COLQ: variants seen among roughly 807,000 people sequenced by gnomAD.
COLQ encodes acetylcholinesterase collagenic tail peptide.
In COLQ, 48 loss-of-function variants were observed where a neutral mutation model predicts 69.0. That is an observed-to-expected ratio of 0.70 (90% CI 0.55 to 0.88). The LOEUF (loss-of-function observed/expected upper bound fraction) is 0.88. COLQ is among the 40% of genes least tolerant of loss of function. The pLI is 0.00. For synonymous variants in COLQ, 217 were observed against 211.2 expected (o/e 1.03, Z -0.24); for missense variants, 618 against 594.6 (o/e 1.04, Z -0.41).
intron 12 of COLQ, among the ~76,000 whole-genome samples, chr3:15,462,939 C>T (rs978627793): frequency 4.6e-5 from 7 of 151,966 alleles, no homozygotes; most frequent in East Asian, 1.9e-4. Flanking sequence ...GAGGGCAGGG[C>T]GTGATTGGGC....
rs536037695 is a variant in COLQ, at chr3:15,498,743, C to T, written c.107-9106G>A. ...TTTGATGTTGCTTCTGCTCCAGATG[C>T]CAGGGGTCTGGAGCCAGTCCTGAGC... On this transcript the variant is annotated intron_variant, in intron 1 of 16. Coordinates refer to ENST00000383788, the MANE Select transcript of COLQ (RefSeq NM_005677.4). 2.8e-5 allele frequency: 43 copies of T among 1,533,208 alleles called. No individual in the cohort carries two copies. In the South Asian group the frequency reaches 4.2e-4, roughly 15 times the overall value. The allele number at this position is 1,533,208 out of a possible 1,614,324, so 95.0% of individuals were successfully genotyped here.
Position 15,489,393 on chromosome 3 carries a change from C to G in COLQ, c.219+132G>C, listed in dbSNP as rs918702383. ...ATTCCGGGGCTCAACTTCTGGGTGA[C>G]AGTGGAGGGTTGAGGCTCTCAGAAA... On this transcript the variant is annotated intron_variant, in intron 2 of 16. Coordinates refer to ENST00000383788, the MANE Select transcript of COLQ (RefSeq NM_005677.4). 9.9e-6 allele frequency: 8 copies of G among 805,518 alleles called. No individual in the cohort carries two copies. In the Middle Eastern group the frequency reaches 1.1e-3, roughly 115 times the overall value. 49.9% of individuals were successfully genotyped at this position (805,518 alleles called of 1,614,324 possible). A position where few individuals can be genotyped will look rare whatever the true frequency, so the allele number is the denominator to read the frequency against.
At position 15,521,495 on chromosome 3, in the gene COLQ, G is replaced by C. The variant is rs948207628; in HGVS notation, c.106+25C>G. 6 of 1,613,776 alleles carry C rather than the reference G, an allele frequency of 3.7e-6. No individual in the cohort carries two copies. The African/African-American group carries it at 6.7e-5, about 18-fold the overall frequency. ...CCCCTGTCCCCTGACAGATGGAAGA[G>C]AGGAAAGTTGTGGCCATCATTTACC... On this transcript the variant is annotated intron_variant, in intron 1 of 16. Coordinates refer to ENST00000383788, the MANE Select transcript of COLQ (RefSeq NM_005677.4).
intron 4 of COLQ, 58 bp downstream of exon 4, chr3:15,479,280 C>A: frequency 6.4e-7 from 1 of 1,561,706 alleles, no homozygotes; most frequent in South Asian, 1.1e-5. Context: ...GTGGGATGCC[C>A]AGAAAACAGG....
At position 15,475,777 on chromosome 3, in the gene COLQ, C is replaced by A. The variant is rs533934622; in HGVS notation, c.466-290G>T. Among the ~76,000 whole-genome samples the A allele has an allele frequency of 4.7e-4, 71 of 152,224 alleles. No individual in the cohort carries two copies. The highest frequency in any genetic ancestry group is 1.6e-3 in the African/African-American group (68 of 41,500). On this transcript the variant is annotated intron_variant, in intron 6 of 16. Transcript: ENST00000383788. ...ATGGTAATACTTGGTATTTTCCTAG[C>A]GAGGATAGTGAGAGAGTAGTGGAGG...
At chr3:15,510,366 G>A (rs1007927853) in intron 1 of COLQ, among the ~76,000 whole-genome samples, 1 of 151,988 alleles carries the variant, frequency 6.6e-6, no homozygotes, top group South Asian at 2.1e-4. Flanking sequence ...GTCTAAAATG[G>A]AGACTCTTAT....
chr3:15,457,117 C>A (rs367906526), intron 13 of COLQ, among the ~76,000 whole-genome samples: 2 of 152,124 alleles, frequency 1.3e-5, no homozygotes, highest in Non-Finnish European at 2.9e-5. Context: ...AGCCACCGCG[C>A]CCGGCCTCGG....
In COLQ at chr3:15,489,563, G is replaced by GT; in HGVS notation, c.180dup (p.Leu61ThrfsTer73). The GT allele has an allele frequency of 6.2e-7, 1 of 1,614,244 alleles. No homozygotes were observed. The highest frequency in any genetic ancestry group is 8.5e-7 in the Non-Finnish European group (1 of 1,180,046). ...CCTCTGAAGAATGGTGGTGGGAACA[G>GT]TGGTGGTGGAGGAGGCGTCAGCAGG... On this transcript the variant is annotated frameshift_variant, in exon 2 of 17. Coordinates refer to ENST00000383788, the MANE Select transcript of COLQ (RefSeq NM_005677.4). LOFTEE classifies it high-confidence loss of function.
At chr3:15,499,166 C>T (rs1338645799) in intron 1 of COLQ, among the ~76,000 whole-genome samples, 1 of 152,158 alleles carries the variant, frequency 6.6e-6, no homozygotes, top group Non-Finnish European at 1.5e-5. Flanking sequence ...AACGAAACCA[C>T]AAACAAACAA....
At chr3:15,471,402 A>C (rs1355232881) in intron 10 of COLQ, among the ~76,000 whole-genome samples, 4 of 152,252 alleles carry the variant, frequency 2.6e-5, no homozygotes, top group Non-Finnish European at 5.9e-5. Flanking sequence ...TCTCCATCTT[A>C]GTTTCTCTCC....
chr3:15,453,879 G>A lies in COLQ; in HGVS notation c.1248C>T (p.Asp416=), dbSNP rs55866379. The A allele has an allele frequency of 0.031, 49,248 of 1,612,056 alleles. 870 individuals carry two copies. Among genetic ancestry groups the A allele is most frequent in the Middle Eastern group, 0.051 (308 of 6,056 alleles). The stretch of plus-strand genomic sequence containing the variant: ...GGTAGCCAAAGTCAGAGCCGTCACA[G>A]TCCTCCACACCCTCATGCCGGTGAC... ...GDGHRHEGVE[D]CDGSDFGYLT... is the part of the protein sequence containing the mutation. Residue 416 remains aspartate, a synonymous_variant, in exon 16 of 17, where the codon GAC becomes GAT. Transcript: ENST00000383788.
Position 15,473,258 on chromosome 3 carries a change from C to T in COLQ, c.636+742G>A, listed in dbSNP as rs2062321028. 6.6e-6 allele frequency among the ~76,000 whole-genome samples: 1 copy of T among 152,088 alleles called. No homozygotes were observed. Among genetic ancestry groups the T allele is most frequent in the Admixed American group, 6.5e-5 (1 of 15,270 alleles). ...GCTTTGACTCCTGGGCTCAGGCCAC[C>T]CTCCCGCCTCACCTTCCTAAGTATC... On this transcript the variant is annotated intron_variant, in intron 10 of 16. Transcript: ENST00000383788. The surrounding 1 kb of genome is among the most constrained non-coding windows in gnomAD (Gnocchi z 4.0).
Position 15,479,832 on chromosome 3 carries a change from C to T in COLQ, c.322-450G>A, listed in dbSNP as rs544259277. On this transcript the variant is annotated intron_variant, in intron 3 of 16. Transcript: ENST00000383788. ...TAAGTTTTGCACATAGCAGCAGCTG[C>T]CACCTTGGAAATTCCCATGGTCAAT... Among the ~76,000 whole-genome samples the T allele has an allele frequency of 5.9e-5, 9 of 152,310 alleles. No individual in the cohort carries two copies. In the East Asian group the frequency reaches 1.2e-3, roughly 20 times the overall value.
chr3:15,501,954 G>A (rs1441207840), intron 1 of COLQ, among the ~76,000 whole-genome samples: 3 of 152,002 alleles, frequency 2.0e-5, no homozygotes, highest in African/African-American at 7.3e-5. Flanking sequence ...CAATAGTCTT[G>A]GATAAAGTCT....
In COLQ at chr3:15,488,285, T is replaced by G; in HGVS notation, c.242A>C (p.Asn81Thr). ...CGAGGTCTCCAGTTCCAGCATGAGA[T>G]TCTTCATGTCTGGGGAGAGAAGCTT... ...RSPLLSPDMK[N>T]LMLELETSQS... The change falls in exon 3 of 17, where the codon AAT becomes ACT. Residue 81 changes from asparagine (N) to threonine (T), a missense_variant. Transcript: ENST00000383788. The G allele has an allele frequency of 6.2e-7, 1 of 1,613,634 alleles. No individual in the cohort carries two copies. The highest frequency in any genetic ancestry group is 8.5e-7 in the Non-Finnish European group (1 of 1,179,980).
intron 10 of COLQ, among the ~76,000 whole-genome samples, chr3:15,472,665 T>C (rs2062307109): frequency 6.6e-6 from 1 of 152,198 alleles, no homozygotes. Flanking sequence ...TTTCTCTCTT[T>C]ATTCTCTGAC....
intron 16 of COLQ, among the ~76,000 whole-genome samples, chr3:15,452,479 T>A (rs1019859784): frequency 2.0e-5 from 3 of 152,184 alleles, no homozygotes; most frequent in Admixed American, 1.3e-4. Context: ...GCCCGGATGA[T>A]CATCCGAGAC....
At chr3:15,520,166 G>C (rs1358641200) in intron 1 of COLQ, among the ~76,000 whole-genome samples, 1 of 152,218 alleles carries the variant, frequency 6.6e-6, no homozygotes, top group Admixed American at 6.5e-5. Flanking sequence ...CTTCTCCCTT[G>C]AACTGGGGAA....
rs1441055525 is a variant in COLQ at position 15,477,155 on chromosome 3, T to C, written c.436A>G (p.Ile146Val). ...GGTCCTTCAGGGCCTGGCCAACCGATGGGCCCAGGCATGCCAGGAACACCT... is the reference window on the plus strand; with the variant it reads ...GGTCCTTCAGGGCCTGGCCAACCGACGGGCCCAGGCATGCCAGGAACACCT... ...PPGVPGMPGP[I>V]GWPGPEGPRG... The change falls in exon 6 of 17, where the codon ATC (isoleucine) becomes GTC (valine). Residue 146 changes from isoleucine (I) to valine (V), a missense_variant. Transcript: ENST00000383788. The C allele has an allele frequency of 1.9e-6, 3 of 1,606,756 alleles. No homozygotes were observed. The highest frequency in any genetic ancestry group is 2.5e-6 in the Non-Finnish European group (3 of 1,177,116).
Sources: gnomAD v4.1 joint callset for allele counts (sites outside exome capture counted in the v4.1 genomes callset) on GRCh38, gnomAD v4.1.1 for gene constraint, Gnocchi (gnomAD v3.1) non-coding constraint, MANE v1.5 for transcripts, NCBI Gene and HGNC (gene_info 2026-07-23, HGNC 2026-07-21) for gene names.